Variants in UTP20 observed in about 807,000 individuals in gnomAD.
UTP20 encodes small subunit processome component 20 homolog.
Under a neutral mutation model 329.5 loss-of-function variants are expected in UTP20, and 164 were observed. That is an observed-to-expected ratio of 0.50 (90% CI 0.44 to 0.57). The LOEUF (loss-of-function observed/expected upper bound fraction) is 0.57, where lower values mean the gene tolerates loss of function less well. Ranked by LOEUF, UTP20 falls within the 20% of genes least tolerant of loss-of-function variation. The pLI, the probability that UTP20 is intolerant of heterozygous loss-of-function variation, is 0.00. For missense variants in UTP20, 3,055 were observed against 3,284.2 expected, an observed-to-expected ratio of 0.93 and a Z score of 1.71; for synonymous variants, 1,151 against 1,159.3, an observed-to-expected ratio of 0.99 and a Z score of 0.14.
chr12:101,342,766 C>T (rs780982642), intron 33 of UTP20, 21 bp from the exon 34 acceptor site: 22 of 1,607,868 alleles, frequency 1.4e-5, no homozygotes, highest in Non-Finnish European at 8.5e-7. Flanking sequence ...CTGATAAATA[C>T]ACTGTTTTCT....
intron 27 of UTP20, among the ~76,000 whole-genome samples, chr12:101,332,390 A>G (rs1368514150): frequency 6.6e-6 from 1 of 152,124 alleles, no homozygotes; most frequent in Non-Finnish European, 1.5e-5. Flanking sequence ...ACATACATTC[A>G]ATAAATTTGC....
At chr12:101,330,050 A>G (rs1868708611) in intron 27 of UTP20, among the ~76,000 whole-genome samples, 1 of 152,034 alleles carries the variant, frequency 6.6e-6, no homozygotes, top group South Asian at 2.1e-4. Context: ...TATTATAAAA[A>G]CACTCCATAT....
rs1061436 is a variant in UTP20, at chr12:101,383,218, G to C, written c.7834G>C (p.Glu2612Gln). ...AGAAGAGAAGGAAGAGGTGAAGGAAGAGCTCGGCAGGCCGGCCACGCTGCT... is the reference window on the plus strand; with the variant it reads ...AGAAGAGAAGGAAGAGGTGAAGGAACAGCTCGGCAGGCCGGCCACGCTGCT... ...DGEEKEEVKE[E>Q]LGRPATLLWL... Residue 2612 changes from glutamate to glutamine, a missense_variant, in exon 59 of 62, where the codon GAG becomes CAG. This residue lies in a region of UTP20 where 337 missense variants were observed against 345.5 expected (regional missense o/e 0.98). Coordinates refer to ENST00000261637, the MANE Select transcript of UTP20 (RefSeq NM_014503.3). The C allele has an allele frequency of 0.16, 251,224 of 1,613,998 alleles. 21,170 individuals carry two copies. The highest frequency in any genetic ancestry group is 0.19 in the Middle Eastern group (1,157 of 6,060).
chr12:101,298,715 A>G (rs1183566191), intron 12 of UTP20, among the ~76,000 whole-genome samples: 1 of 152,192 alleles, frequency 6.6e-6, no homozygotes, highest in South Asian at 2.1e-4. Flanking sequence ...AGTCATGATT[A>G]TTACTAAAAA....
chr12:101,365,422 G>T, intron 45 of UTP20, 37 bp from the exon 46 acceptor site: 1 of 1,475,572 alleles, frequency 6.8e-7, no homozygotes, highest in Non-Finnish European at 9.1e-7. Flanking sequence ...ATGCATTTCT[G>T]TGTCATCTCA....
chr12:101,338,037 G>GT lies in UTP20; in HGVS notation c.3642-8dup, dbSNP rs1337019431. Reference sequence around the variant, plus strand: ...TTGAGAATAAGATGATTACTACAATGTTTTTTCTTCCAGATATTTCCCTTT... The same window carrying GT: ...TTGAGAATAAGATGATTACTACAATGTTTTTTTCTTCCAGATATTTCCCTTT... On this transcript the variant is annotated splice_polypyrimidine_tract_variant and intron_variant, in intron 29 of 61. Transcript: ENST00000261637. 2 of 1,611,664 alleles carry GT rather than the reference G, an allele frequency of 1.2e-6. No individual in the cohort carries two copies. Among genetic ancestry groups the GT allele is most frequent in the Non-Finnish European group, 1.7e-6 (2 of 1,178,026 alleles).
intron 31 of UTP20, 42 bp from the exon 32 acceptor site, chr12:101,340,481 C>G: frequency 8.1e-7 from 1 of 1,241,756 alleles, no homozygotes; most frequent in Non-Finnish European, 1.2e-6. Flanking sequence ...AGAGAAATAT[C>G]CTTGTATATG....
chr12:101,358,847 C>T (rs1869813485), intron 43 of UTP20, among the ~76,000 whole-genome samples: 1 of 152,126 alleles, frequency 6.6e-6, no homozygotes, highest in Non-Finnish European at 1.5e-5. Flanking sequence ...AATTATGAAG[C>T]ATCCCTTCCT....
At chr12:101,311,656 C>CA in intron 19 of UTP20, 63 bp from the exon 20 acceptor site, 1 of 1,201,090 alleles carries the variant, frequency 8.3e-7, no homozygotes, top group Non-Finnish European at 1.1e-6. Flanking sequence ...TTTTTTTTTT[C>CA]TATGAGCAAT....
chr12:101,287,406 G>T (rs577876892), intron 5 of UTP20, among the ~76,000 whole-genome samples: 1 of 152,324 alleles, frequency 6.6e-6, no homozygotes, highest in South Asian at 2.1e-4. Context: ...TATGACTTCA[G>T]CTGTCATAAA....
chr12:101,280,317 A>C lies in UTP20; in HGVS notation c.35A>C (p.Asn12Thr). The C allele has an allele frequency of 6.4e-7, 1 of 1,551,666 alleles. No homozygotes were observed. The highest frequency in any genetic ancestry group is 1.2e-5 in the South Asian group (1 of 84,058). ...AAGCCCGTTTCCCACAAGACCGAGAACACCTACCGGGTGAGCGCGGGAGCT... is the reference window on the plus strand; with the variant it reads ...AAGCCCGTTTCCCACAAGACCGAGACCACCTACCGGGTGAGCGCGGGAGCT... Reference protein sequence around the residue: ...KTKPVSHKTENTYRFLTFAER... With the variant: ...KTKPVSHKTETTYRFLTFAER... Residue 12 changes from asparagine (N) to threonine (T), a missense_variant, in exon 1 of 62, where the codon AAC becomes ACC. Around this residue, in one of 3 missense-constraint regions of UTP20, gnomAD observed 2,445 missense variants for 2,575.5 expected, o/e 0.95. Transcript: ENST00000261637.
At chr12:101,338,342 G>GA (rs1201380788) in intron 30 of UTP20, 65 bp downstream of exon 30, 95 of 1,530,222 alleles carry the variant, frequency 6.2e-5, no homozygotes, top group Non-Finnish European at 4.9e-5. Context: ...CCTTAGAAGA[G>GA]AAAAAAAATC....
chr12:101,346,282 C>T (rs897796362), intron 37 of UTP20, among the ~76,000 whole-genome samples, 169 bp from the exon 38 acceptor site: 8 of 152,194 alleles, frequency 5.3e-5, no homozygotes, highest in African/African-American at 1.9e-4. Context: ...AACTCCCGAC[C>T]TCAGGTGATC....
intron 38 of UTP20, among the ~76,000 whole-genome samples, chr12:101,350,228 A>G (rs1030973920): frequency 2.6e-5 from 4 of 152,232 alleles, no homozygotes; most frequent in East Asian, 1.9e-4. Context: ...GTGCAGTGGT[A>G]TGATCATAGC....
At chr12:101,374,103 C>T (rs868313158) in intron 54 of UTP20, among the ~76,000 whole-genome samples, 7 of 150,454 alleles carry the variant, frequency 4.7e-5, no homozygotes, top group Admixed American at 2.0e-4. Context: ...GGCGTAGTGG[C>T]GGGCGCCTGT....
intron 51 of UTP20, among the ~76,000 whole-genome samples, chr12:101,372,207 C>T (rs1468484211): frequency 6.6e-6 from 1 of 152,228 alleles, no homozygotes; most frequent in East Asian, 1.9e-4. Context: ...GGCTTGGAAA[C>T]TTGAATGATG....
At position 101,333,820 on chromosome 12, in the gene UTP20, T is replaced by C. The variant is rs141243382; in HGVS notation, c.3561+376T>C. On this transcript the variant is annotated intron_variant, in intron 28 of 61. Coordinates refer to ENST00000261637, the MANE Select transcript of UTP20 (RefSeq NM_014503.3). ...CTGGGATTACAGCCATGCACCACAA[T>C]GTCCAGCTAATTTTTGTATTTTTAG... Among the ~76,000 whole-genome samples the C allele has an allele frequency of 5.8e-3, 882 of 152,282 alleles. 8 individuals carry two copies. Among genetic ancestry groups the C allele is most frequent in the African/African-American group, 0.02 (848 of 41,566 alleles).
In UTP20 at chr12:101,280,416, C is replaced by G. The variant is rs989384432; in HGVS notation, c.45+89C>G. Reference sequence around the variant, plus strand: ...TGAGCGAGACTCCAGGGGCCTCAGACTTCTGGGCCGAGTGTGTCACTTTCC... The same window carrying G: ...TGAGCGAGACTCCAGGGGCCTCAGAGTTCTGGGCCGAGTGTGTCACTTTCC... On this transcript the variant is annotated intron_variant, in intron 1 of 61. Coordinates refer to ENST00000261637, the MANE Select transcript of UTP20 (RefSeq NM_014503.3). 6 of 1,482,946 alleles carry G rather than the reference C, an allele frequency of 4.0e-6. No homozygotes were observed. In the African/African-American group the frequency reaches 8.4e-5, roughly 21 times the overall value. 91.9% of individuals were successfully genotyped at this position (1,482,946 alleles called of 1,614,324 possible).
chr12:101,291,540 CAAAAAAAAA>C (rs34248827), intron 8 of UTP20, 193 bp from the exon 9 acceptor site: 2 of 77,178 alleles, frequency 2.6e-5, no homozygotes, highest in East Asian at 7.4e-4. Context: ...AACTCCATCT[CAAAAAAAAA>C]AAAAAAAAAA....
Sources: allele counts gnomAD v4.1 joint callset (sites outside exome capture counted in the v4.1 genomes callset), GRCh38; gene constraint gnomAD v4.1.1; regional missense constraint gnomAD v4.1.1; transcripts MANE v1.5; gene names NCBI Gene and HGNC (gene_info 2026-07-23, HGNC 2026-07-21).